Variants in KCNK12 observed in about 807,000 individuals in gnomAD.
KCNK12 encodes potassium channel subfamily K member 12.
Under a neutral mutation model 25.3 loss-of-function variants are expected in KCNK12, and 6 were observed. The observed-to-expected ratio is 0.24, with a 90% CI of 0.13 to 0.47. The LOEUF (loss-of-function observed/expected upper bound fraction) is 0.47, where lower values mean the gene tolerates loss of function less well. Ranked by LOEUF, KCNK12 falls within the 20% of genes least tolerant of loss-of-function variation. The probability of loss-of-function intolerance (pLI) is 0.99; values close to 1 mark genes in which losing one functional copy is unlikely to be tolerated. For synonymous variants in KCNK12, 331 were observed against 311.1 expected (o/e 1.06, Z -0.67); for missense variants, 444 against 661.7 (o/e 0.67, Z 3.61).
intron 1 of KCNK12, among the ~76,000 whole-genome samples, chr2:47,553,178 C>G (rs1669475305): frequency 6.6e-6 from 1 of 152,196 alleles, no homozygotes; most frequent in Admixed American, 6.5e-5. Context: ...GCTCTTCAGT[C>G]CAATGTGACG....
intron 1 of KCNK12, among the ~76,000 whole-genome samples, chr2:47,534,556 C>G (rs1669017519): frequency 7.0e-6 from 1 of 142,812 alleles, no homozygotes; most frequent in Non-Finnish European, 1.5e-5. Flanking sequence ...GCAGAGCCCT[C>G]ATCTCAGCCC....
chr2:47,521,690 C>T lies in KCNK12; in HGVS notation c.510G>A (p.Ser170=). ...FFNLFLERII[S]LLAFIMRACR... is the part of the protein sequence containing the mutation. Reference sequence around the variant, plus strand: ...AGGCGCGCATGATGAAGGCCAGCAGCGAGATGATGCGCTCCAGGAAGAGGT... The same window carrying T: ...AGGCGCGCATGATGAAGGCCAGCAGTGAGATGATGCGCTCCAGGAAGAGGT... Residue 170 remains serine, a synonymous_variant, in exon 2 of 2, where the codon TCG becomes TCA. Coordinates refer to ENST00000327876, the MANE Select transcript of KCNK12 (RefSeq NM_022055.2). 1 of 1,603,098 alleles carries T rather than the reference C, an allele frequency of 6.2e-7. No individual in the cohort carries two copies. The highest frequency in any genetic ancestry group is 8.5e-7 in the Non-Finnish European group (1 of 1,176,274).
Position 47,519,810 on chromosome 2 carries a change from C to T in KCNK12, c.*1097G>A, listed in dbSNP as rs201141474. Reference sequence around the variant, plus strand: ...CATCATGGCCTCTGGAGCCAAATACCCTGACATTTGCAAGATGGCTTCTTT... The same window carrying T: ...CATCATGGCCTCTGGAGCCAAATACTCTGACATTTGCAAGATGGCTTCTTT... On this transcript the variant is annotated 3_prime_UTR_variant, in exon 2 of 2. Transcript: ENST00000327876. The T allele has an allele frequency of 1.3e-5, 2 of 152,284 alleles. No homozygotes were observed. Among genetic ancestry groups the T allele is most frequent in the South Asian group, 2.1e-4 (1 of 4,826 alleles). The allele number at this position is 152,284 out of a possible 1,614,324, so 9.4% of individuals were successfully genotyped here.
At chr2:47,553,857 C>T (rs1184761912) in intron 1 of KCNK12, among the ~76,000 whole-genome samples, 2 of 152,184 alleles carry the variant, frequency 1.3e-5, no homozygotes, top group African/African-American at 4.8e-5. Context: ...TTCTTTCAAA[C>T]CTGCCTACCC....
chr2:47,543,120 CTT>C (rs1401717804), intron 1 of KCNK12, among the ~76,000 whole-genome samples: 1 of 152,102 alleles, frequency 6.6e-6, no homozygotes, highest in Non-Finnish European at 1.5e-5. Flanking sequence ...GAGGTGGGAA[CTT>C]TAATTTACTT....
At chr2:47,550,831 C>CCAAA (rs1335463869) in intron 1 of KCNK12, among the ~76,000 whole-genome samples, 3 of 152,186 alleles carry the variant, frequency 2.0e-5, no homozygotes, top group Non-Finnish European at 4.4e-5. Flanking sequence ...ACTGCCTCCA[C>CCAAA]CAAACATGCC....
At chr2:47,567,549 A>T (rs1401829405) in intron 1 of KCNK12, among the ~76,000 whole-genome samples, 2 of 152,232 alleles carry the variant, frequency 1.3e-5, no homozygotes, top group African/African-American at 4.8e-5. Context: ...AGCAGAACTT[A>T]TCTGACTGAT....
At position 47,520,240 on chromosome 2, in the gene KCNK12, A is replaced by G. The variant is rs1668620499; in HGVS notation, c.*667T>C. Reference sequence around the variant, plus strand: ...AAGTAGCTGCCCTGTGCTCTGTGCTAAATGGACTAACTCTGAGCTGAGAAA... The same window carrying G: ...AAGTAGCTGCCCTGTGCTCTGTGCTGAATGGACTAACTCTGAGCTGAGAAA... On this transcript the variant is annotated 3_prime_UTR_variant, in exon 2 of 2. Transcript: ENST00000327876. This position sits in a 1 kb window ranked among gnomAD's most constrained non-coding sequence, Gnocchi z 5.0. 2 of 152,238 alleles carry G rather than the reference A, an allele frequency of 1.3e-5. No individual in the cohort carries two copies. The highest frequency in any genetic ancestry group is 1.3e-4 in the Admixed American group (2 of 15,280). 9.4% of individuals were successfully genotyped at this position (152,238 alleles called of 1,614,324 possible). A position where few individuals can be genotyped will look rare whatever the true frequency, so the allele number is the denominator to read the frequency against.
Position 47,513,518 on chromosome 2 carries a change from T to A in KCNK12, c.*7389A>T, listed in dbSNP as rs1463478113. 1.3e-5 allele frequency among the ~76,000 whole-genome samples: 2 copies of A among 152,158 alleles called. No homozygotes were observed. Among genetic ancestry groups the A allele is most frequent in the African/African-American group, 4.8e-5 (2 of 41,436 alleles). On this transcript the variant is annotated 3_prime_UTR_variant, in exon 2 of 2. Transcript: ENST00000327876. Reference sequence around the variant, plus strand: ...CCTCTTTTTATCTCATTCTACACACTCACAGCCTGAGTAATTCACACCATC... The same window carrying A: ...CCTCTTTTTATCTCATTCTACACACACACAGCCTGAGTAATTCACACCATC...
chr2:47,534,515 A>ACCCCCCCCCCCCCCCC (rs34901455), intron 1 of KCNK12, among the ~76,000 whole-genome samples: 3 of 48,162 alleles, frequency 6.2e-5, no homozygotes, highest in Admixed American at 2.5e-4. Context: ...GCCCCTTCTA[A>ACCCCCCCCCCCCCCCC]CCCCCCCCCC....
rs911220235 is a variant in KCNK12, at chr2:47,569,544, G to A, written c.391+397C>T. Reference sequence around the variant, plus strand: ...CTATGAAAAGAAATAAAAGCGCCGAGGGTGGAGGGAGAAGGGGCTTTTGAG... The same window carrying A: ...CTATGAAAAGAAATAAAAGCGCCGAAGGTGGAGGGAGAAGGGGCTTTTGAG... On this transcript the variant is annotated intron_variant, in intron 1 of 1. Transcript: ENST00000327876. This position sits in a 1 kb window ranked among gnomAD's most constrained non-coding sequence, Gnocchi z 4.1. Among the ~76,000 whole-genome samples, 5 of 152,136 alleles carry A rather than the reference G, an allele frequency of 3.3e-5. No homozygotes were observed. Among genetic ancestry groups the A allele is most frequent in the African/African-American group, 9.7e-5 (4 of 41,436 alleles).
intron 1 of KCNK12, among the ~76,000 whole-genome samples, chr2:47,531,325 C>T (rs1271796187): frequency 1.3e-5 from 2 of 151,996 alleles, no homozygotes; most frequent in African/African-American, 4.8e-5. Flanking sequence ...ATTTGAAAAT[C>T]AGCTGGGCGT....
At chr2:47,521,875 G>C in intron 1 of KCNK12, 67 bp from the exon 2 acceptor site, 2 of 1,295,882 alleles carry the variant, frequency 1.5e-6, no homozygotes, top group Non-Finnish European at 2.0e-6. Flanking sequence ...GCGAGGGTGG[G>C]GGGTGTGGGG....
rs1669699428 is a variant in KCNK12 at position 47,562,569 on chromosome 2, G to A, written c.391+7372C>T. ...CACAGCCAGTGGCCACTTGGAGAGG[G>A]GACCTAGAGTCCCCTGGTAGGTGGC... On this transcript the variant is annotated intron_variant, in intron 1 of 1. Coordinates refer to ENST00000327876, the MANE Select transcript of KCNK12 (RefSeq NM_022055.2). This position sits in a 1 kb window ranked among gnomAD's most constrained non-coding sequence, Gnocchi z 4.8. The A allele has an allele frequency of 4.3e-6, 1 of 234,220 alleles. No homozygotes were observed. The highest frequency in any genetic ancestry group is 8.4e-6 in the Non-Finnish European group (1 of 118,788). 14.5% of individuals were successfully genotyped at this position (234,220 alleles called of 1,614,324 possible).
chr2:47,521,199 G>A lies in KCNK12; in HGVS notation c.1001C>T (p.Ala334Val), dbSNP rs1487415194. Residue 334 changes from alanine to valine, a missense_variant, in exon 2 of 2, where the codon GCC becomes GTC. Coordinates refer to ENST00000327876, the MANE Select transcript of KCNK12 (RefSeq NM_022055.2). ...GCGCAGCCGGGAGCCTGGGGTGATG[G>A]CATTGCGCCGGGCCAGGGGCGCGCC... ...APGAPLARRN[A>V]ITPGSRLRRR... is the part of the protein sequence containing the mutation. 1 of 1,525,734 alleles carries A rather than the reference G, an allele frequency of 6.6e-7. No individual in the cohort carries two copies. The highest frequency in any genetic ancestry group is 2.1e-5 in the Admixed American group (1 of 48,598). The allele number at this position is 1,525,734 out of a possible 1,614,324, so 94.5% of individuals were successfully genotyped here.
At position 47,562,019 on chromosome 2, in the gene KCNK12, G is replaced by A. The variant is rs771448900; in HGVS notation, c.391+7922C>T. ...GGTGATATGTCCTGCCTAAAGCCAC[G>A]CAGCCAGTTAGTGGCAGAGCCAGGT... is the stretch of plus-strand genomic sequence containing the variant. On this transcript the variant is annotated intron_variant, in intron 1 of 1. Coordinates refer to ENST00000327876, the MANE Select transcript of KCNK12 (RefSeq NM_022055.2). The surrounding 1 kb of genome is among the most constrained non-coding windows in gnomAD (Gnocchi z 4.8). The A allele has an allele frequency of 2.9e-4, 117 of 398,428 alleles. No individual in the cohort carries two copies. The highest frequency in any genetic ancestry group is 1.3e-4 in the Admixed American group (3 of 22,712). The allele number at this position is 398,428 out of a possible 1,614,324, so 24.7% of individuals were successfully genotyped here. A position where few individuals can be genotyped will look rare whatever the true frequency, so the allele number is the denominator to read the frequency against.
At chr2:47,536,557 G>C (rs963371389) in intron 1 of KCNK12, among the ~76,000 whole-genome samples, 1 of 152,186 alleles carries the variant, frequency 6.6e-6, no homozygotes, top group Non-Finnish European at 1.5e-5. Context: ...AGACATGAGG[G>C]CAGGGGAAGG....
chr2:47,551,951 C>A lies in KCNK12; in HGVS notation c.391+17990G>T, dbSNP rs1379997774. ...AATCCTGCAACCCAGAGGAGCTGGGCCTCCTCCTGAAGGGCCTGCATCACC... is the reference window on the plus strand; with the variant it reads ...AATCCTGCAACCCAGAGGAGCTGGGACTCCTCCTGAAGGGCCTGCATCACC... On this transcript the variant is annotated intron_variant, in intron 1 of 1. Coordinates refer to ENST00000327876, the MANE Select transcript of KCNK12 (RefSeq NM_022055.2). The surrounding 1 kb of genome is among the most constrained non-coding windows in gnomAD (Gnocchi z 5.3). Among the ~76,000 whole-genome samples, 1 of 152,114 alleles carries A rather than the reference C, an allele frequency of 6.6e-6. No individual in the cohort carries two copies. Among genetic ancestry groups the A allele is most frequent in the Admixed American group, 6.6e-5 (1 of 15,266 alleles).
At chr2:47,543,375 C>T (rs954386905) in intron 1 of KCNK12, 2 of 151,604 alleles carry the variant, frequency 1.3e-5, no homozygotes, top group Non-Finnish European at 2.9e-5. Context: ...TACATTTCTT[C>T]ACAACCACCT....
Sources: allele counts gnomAD v4.1 joint callset (sites outside exome capture counted in the v4.1 genomes callset), GRCh38; gene constraint gnomAD v4.1.1; non-coding constraint Gnocchi (gnomAD v3.1); transcripts MANE v1.5; gene names NCBI Gene and HGNC (gene_info 2026-07-23, HGNC 2026-07-21).